Variants in WWC1 observed in about 807,000 individuals in gnomAD.
WWC1 encodes the protein WW and C2 domain containing 1.
A neutral mutation model predicts 138.4 loss-of-function variants in WWC1; 55 were observed. That is an observed-to-expected ratio of 0.40 (90% confidence interval 0.32 to 0.50). WWC1 has a LOEUF of 0.50. Ranked by LOEUF, WWC1 falls within the 20% of genes least tolerant of loss-of-function variation. WWC1 has a pLI of 0.72. For synonymous variants in WWC1, 524 were observed against 564.9 expected (o/e 0.93, Z 1.03); for missense variants, 1,226 against 1,420.4 (o/e 0.86, Z 2.20).
At chr5:168,419,216 C>T (rs9313412) in intron 9 of WWC1, among the ~76,000 whole-genome samples, 65,122 of 151,598 alleles carry the variant, frequency 0.43, 15,388 homozygotes, top group East Asian at 0.77. Flanking sequence ...CCTAGTTTCA[C>T]TCCCTAGTCC....
In WWC1 at chr5:168,465,548, C is replaced by CGTTTTTTTTTT. The variant is rs1757199827; in HGVS notation, c.3150+586_3150+587insGTTTTTTTTTT. Among the ~76,000 whole-genome samples the CGTTTTTTTTTT allele has an allele frequency of 4.3e-5, 2 of 46,932 alleles. 1 individual carries two copies. The highest frequency in any genetic ancestry group is 7.7e-5 in the Non-Finnish European group (2 of 26,004). 30.8% of individuals were successfully genotyped at this position (46,932 alleles called of 152,430 possible). ...CACACAAAGTTTTATATCAGCTGGG[C>CGTTTTTTTTTT]TTTTTTTTTTTTTTTTTTTTTTTTT... On this transcript the variant is annotated intron_variant, in intron 21 of 22. Coordinates refer to ENST00000265293, the MANE Select transcript of WWC1 (RefSeq NM_015238.3).
At chr5:168,341,652 G>C (rs1231940139) in intron 1 of WWC1, among the ~76,000 whole-genome samples, 1 of 151,856 alleles carries the variant, frequency 6.6e-6, no homozygotes, top group Admixed American at 6.6e-5. Flanking sequence ...CTTTCAAATG[G>C]GGGAGAATAT....
intron 1 of WWC1, among the ~76,000 whole-genome samples, chr5:168,333,637 G>C (rs547363650): frequency 6.6e-6 from 1 of 152,308 alleles, no homozygotes; most frequent in South Asian, 2.1e-4. Flanking sequence ...TGGTGTGGCT[G>C]CGGAACTGTC....
intron 1 of WWC1, among the ~76,000 whole-genome samples, chr5:168,324,605 G>T (rs1561610287): frequency 6.6e-6 from 1 of 151,932 alleles, no homozygotes; most frequent in East Asian, 1.9e-4. Flanking sequence ...TATTGTGGAT[G>T]ATTTTTTTTT....
intron 1 of WWC1, among the ~76,000 whole-genome samples, chr5:168,326,814 A>G (rs1399117785): frequency 7.2e-5 from 11 of 152,196 alleles, no homozygotes; most frequent in Non-Finnish European, 1.2e-4. Flanking sequence ...CTGGGATTAC[A>G]GGTGTGAGCC....
At chr5:168,297,750 A>C (rs1769679910) in intron 1 of WWC1, among the ~76,000 whole-genome samples, 1 of 152,046 alleles carries the variant, frequency 6.6e-6, no homozygotes, top group African/African-American at 2.4e-5. Flanking sequence ...CTCTTATATA[A>C]ATTTTTTACT....
intron 1 of WWC1, among the ~76,000 whole-genome samples, chr5:168,336,521 G>A (rs1773468259): frequency 7.1e-6 from 1 of 140,684 alleles, no homozygotes; most frequent in African/African-American, 2.7e-5. Context: ...GCAGTGAGCT[G>A]AGATCATGCC....
At chr5:168,314,687 G>A (rs1408886166) in intron 1 of WWC1, among the ~76,000 whole-genome samples, 3 of 152,208 alleles carry the variant, frequency 2.0e-5, no homozygotes, top group Non-Finnish European at 4.4e-5. Flanking sequence ...GCCCCAGCCA[G>A]GGGGAACCTG....
intron 1 of WWC1, among the ~76,000 whole-genome samples, chr5:168,321,498 A>G (rs1329489650): frequency 6.6e-6 from 1 of 150,998 alleles, no homozygotes; most frequent in Non-Finnish European, 1.5e-5. Flanking sequence ...GAAGGGGGAC[A>G]GGTTCAGTAT....
intron 17 of WWC1, among the ~76,000 whole-genome samples, chr5:168,448,108 T>C (rs1183252260): frequency 1.3e-5 from 2 of 152,118 alleles, no homozygotes; most frequent in Non-Finnish European, 2.9e-5. Flanking sequence ...CCATTCAAAC[T>C]TCCCCCAGAC....
intron 1 of WWC1, among the ~76,000 whole-genome samples, chr5:168,305,814 G>T (rs1276520644): frequency 6.6e-6 from 1 of 152,156 alleles, no homozygotes; most frequent in South Asian, 2.1e-4. Flanking sequence ...CACCCCCAAA[G>T]ATTCTGGTTT....
rs988199595 is a variant in WWC1, at chr5:168,399,709, C to T, written c.590+142C>T. The T allele has an allele frequency of 1.4e-5, 12 of 853,416 alleles. No homozygotes were observed. In the Admixed American group the frequency reaches 2.4e-4, roughly 17 times the overall value. The allele number at this position is 853,416 out of a possible 1,614,324, so 52.9% of individuals were successfully genotyped here. ...TCATCATTCAATTCAAGTTCTGTTCCACTGGCATTTCCTGAAGATACTGCC... is the reference window on the plus strand; with the variant it reads ...TCATCATTCAATTCAAGTTCTGTTCTACTGGCATTTCCTGAAGATACTGCC... On this transcript the variant is annotated intron_variant, in intron 5 of 22. Transcript: ENST00000265293.
At position 168,358,651 on chromosome 5, in the gene WWC1, T is replaced by C. The variant is rs528728030; in HGVS notation, c.120-12773T>C. 1.4e-3 allele frequency among the ~76,000 whole-genome samples: 220 copies of C among 152,342 alleles called. 1 individual carries two copies. The highest frequency in any genetic ancestry group is 5.1e-3 in the African/African-American group (210 of 41,576). ...ATAAAATGGAGCTAATAATACTGTG[T>C]ATAAGATTGTTTTAAATAAGCTAAT... On this transcript the variant is annotated intron_variant, in intron 1 of 22. Transcript: ENST00000265293.
intron 1 of WWC1, among the ~76,000 whole-genome samples, chr5:168,296,725 A>T (rs1769567248): frequency 6.6e-6 from 1 of 152,194 alleles, no homozygotes; most frequent in Non-Finnish European, 1.5e-5. Context: ...ACCCACCTGA[A>T]CTACCCAATG....
intron 11 of WWC1, among the ~76,000 whole-genome samples, chr5:168,424,586 A>C (rs1169460592): frequency 6.6e-6 from 1 of 152,224 alleles, no homozygotes; most frequent in Non-Finnish European, 1.5e-5. Context: ...AGAAGATGAC[A>C]TTTGAGGGTG....
chr5:168,400,212 T>C (rs1038438957), intron 5 of WWC1, among the ~76,000 whole-genome samples: 2 of 152,140 alleles, frequency 1.3e-5, no homozygotes, highest in Admixed American at 6.5e-5. Context: ...TCGGGGTACA[T>C]GTGCAGGTTT....
At chr5:168,426,488 A>AC (rs1781509371) in intron 11 of WWC1, among the ~76,000 whole-genome samples, 1 of 152,174 alleles carries the variant, frequency 6.6e-6, no homozygotes, top group Non-Finnish European at 1.5e-5. Context: ...CATTTCCTTC[A>AC]TGCCATCTCC....
intron 22 of WWC1, 27 bp downstream of exon 22, chr5:168,467,991 C>A (rs368091155): frequency 1.9e-6 from 3 of 1,613,132 alleles, no homozygotes; most frequent in Non-Finnish European, 2.5e-6. Flanking sequence ...GGCAGCCCCC[C>A]ATCCCTTTCT....
Position 168,454,047 on chromosome 5 carries a change from G to T in WWC1, c.2605G>T (p.Asp869Tyr). 6.2e-7 allele frequency: 1 copy of T among 1,613,518 alleles called. No individual in the cohort carries two copies. Among genetic ancestry groups the T allele is most frequent in the Non-Finnish European group, 8.5e-7 (1 of 1,179,926 alleles). ...GGTGGAGGAGGAGGAGGGAGAAGAGGATGTTTTCACCGAGAAAGCCTCACC... is the reference window on the plus strand; with the variant it reads ...GGTGGAGGAGGAGGAGGGAGAAGAGTATGTTTTCACCGAGAAAGCCTCACC... ...EEVEEEEGEE[D>Y]VFTEKASPDM... The change falls in exon 18 of 23, where the codon GAT becomes TAT. Residue 869 changes from aspartate to tyrosine, a missense_variant. Asp to Tyr is a radical substitution (Grantham distance 160). Transcript: ENST00000265293.
Sources: allele counts gnomAD v4.1 joint callset (sites outside exome capture counted in the v4.1 genomes callset), GRCh38; gene constraint gnomAD v4.1.1; transcripts MANE v1.5; gene names NCBI Gene and HGNC (gene_info 2026-07-23, HGNC 2026-07-21).